Variants in OR7E24 observed in about 807,000 individuals in gnomAD.
OR7E24 encodes olfactory receptor 7E24.
For missense variants in OR7E24, 385 were observed against 410.3 expected (o/e 0.94, Z 0.53); for synonymous variants, 130 against 157.5 (o/e 0.83, Z 1.31).
the OR7E24 span, among the ~76,000 whole-genome samples, chr19:9,238,449 A>C: frequency 1.3e-5 from 2 of 152,158 alleles, no homozygotes; most frequent in Non-Finnish European, 2.9e-5. Flanking sequence ...GTAATTGTGC[A>C]GTTTGTACTT....
Position 9,251,857 on chromosome 19 carries a change from A to G in OR7E24, c.814A>G (p.Thr272Ala), listed in dbSNP as rs756803730. The change falls in exon 1 of 1, where the codon ACA (threonine) becomes GCA (alanine). Residue 272 changes from threonine (T) to alanine (A), a missense_variant. Coordinates refer to ENST00000456448, the MANE Select transcript of OR7E24 (RefSeq NM_001079935.2). ...HLAVVCLFYG[T>A]GLVGYLSSAV... ...GGCAGTTGTTTGCTTATTTTATGGA[A>G]CAGGGCTTGTAGGGTACCTCAGTTC... 44 of 1,614,038 alleles carry G rather than the reference A, an allele frequency of 2.7e-5. 1 individual carries two copies. In the Admixed American group the frequency reaches 7.3e-4, roughly 27 times the overall value.
chr19:9,226,401 A>C, the OR7E24 span, among the ~76,000 whole-genome samples: 1 of 152,210 alleles, frequency 6.6e-6, no homozygotes, highest in Admixed American at 6.5e-5. Context: ...GGGACCGCAC[A>C]TTCCGTGTTT....
chr19:9,251,853 T>C lies in OR7E24; in HGVS notation c.810T>C (p.Tyr270=). 1 of 1,614,170 alleles carries C rather than the reference T, an allele frequency of 6.2e-7. No homozygotes were observed. Residue 270 remains tyrosine, a synonymous_variant, in exon 1 of 1, where the codon TAT becomes TAC. Coordinates refer to ENST00000456448, the MANE Select transcript of OR7E24 (RefSeq NM_001079935.2). ...ACCTGGCAGTTGTTTGCTTATTTTA[T>C]GGAACAGGGCTTGTAGGGTACCTCA... ...GSHLAVVCLF[Y]GTGLVGYLSS...
At chr19:9,224,460 A>G in the OR7E24 span, among the ~76,000 whole-genome samples, 1 of 152,070 alleles carries the variant, frequency 6.6e-6, no homozygotes, top group East Asian at 1.9e-4. Context: ...TTTTCCCACT[A>G]AGAGATTCCA....
the OR7E24 span, among the ~76,000 whole-genome samples, chr19:9,225,360 A>G: frequency 8.1e-6 from 1 of 123,972 alleles, no homozygotes; most frequent in Non-Finnish European, 1.6e-5. Context: ...ACAAGAGCGA[A>G]ACTCAAGAAG....
chr19:9,223,097 T>C, the OR7E24 span, among the ~76,000 whole-genome samples: 1 of 152,220 alleles, frequency 6.6e-6, no homozygotes, highest in Non-Finnish European at 1.5e-5. Context: ...TTGATGTTTC[T>C]TGTTGTTTAA....
chr19:9,240,034 T>C, the OR7E24 span, among the ~76,000 whole-genome samples: 1 of 152,048 alleles, frequency 6.6e-6, no homozygotes, highest in South Asian at 2.1e-4. Context: ...TAGGTCGTTT[T>C]TTCTTTTTTA....
chr19:9,214,556 G>A, the OR7E24 span: 1 of 1,614,170 alleles, frequency 6.2e-7, no homozygotes, highest in Non-Finnish European at 8.5e-7. Context: ...GGCACCCCAT[G>A]TAGGAGATGT....
chr19:9,231,908 T>C, the OR7E24 span, among the ~76,000 whole-genome samples: 1 of 152,176 alleles, frequency 6.6e-6, no homozygotes, highest in Non-Finnish European at 1.5e-5. Context: ...GTGTTATGGA[T>C]GTCAGTTTTG....
chr19:9,235,365 C>T, the OR7E24 span: 6 of 1,463,400 alleles, frequency 4.1e-6, no homozygotes, highest in South Asian at 4.6e-5. Context: ...CCTGTTTCAT[C>T]TGCACCACAG....
the OR7E24 span, among the ~76,000 whole-genome samples, chr19:9,220,158 G>A: frequency 4.0e-5 from 6 of 151,812 alleles, no homozygotes; most frequent in Admixed American, 2.6e-4. Flanking sequence ...ATTAACATAC[G>A]CATTATCTCA....
chr19:9,232,074 T>A, the OR7E24 span, among the ~76,000 whole-genome samples: 2 of 152,190 alleles, frequency 1.3e-5, no homozygotes, highest in African/African-American at 4.8e-5. Context: ...AATCATTTCT[T>A]TTTTAACAAA....
chr19:9,217,206 C>T, the OR7E24 span, among the ~76,000 whole-genome samples: 1 of 152,170 alleles, frequency 6.6e-6, no homozygotes, highest in Non-Finnish European at 1.5e-5. Flanking sequence ...AGAATGTGTG[C>T]TTGTGTACAC....
chr19:9,209,634 G>A, the OR7E24 span: 1 of 150,006 alleles, frequency 6.7e-6, no homozygotes, highest in African/African-American at 2.5e-5. Context: ...CTGTGACCTT[G>A]AGTATAAAAC....
the OR7E24 span, chr19:9,213,847 A>G: frequency 7.8e-7 from 1 of 1,284,032 alleles, no homozygotes; most frequent in African/African-American, 1.5e-5. Flanking sequence ...AACCCACAAC[A>G]TTTGCCTTAG....
chr19:9,224,139 T>C, the OR7E24 span, among the ~76,000 whole-genome samples: 1 of 151,848 alleles, frequency 6.6e-6, no homozygotes, highest in Admixed American at 6.6e-5. Context: ...TGTGAGCCAC[T>C]GCACCCAGCC....
At chr19:9,211,609 C>G in the OR7E24 span, 1 of 152,030 alleles carries the variant, frequency 6.6e-6, no homozygotes, top group African/African-American at 2.4e-5. Flanking sequence ...CTTTGGGAGG[C>G]CGAGGCGGGT....
upstream of OR7E24, among the ~76,000 whole-genome samples, chr19:9,245,716 G>A: frequency 6.6e-6 from 1 of 152,194 alleles, no homozygotes; most frequent in East Asian, 1.9e-4. Flanking sequence ...TTCATCCAGC[G>A]CTGTTTCGGA....
chr19:9,243,949 G>T (rs2066122794), upstream of OR7E24, among the ~76,000 whole-genome samples: 1 of 152,158 alleles, frequency 6.6e-6, no homozygotes, highest in Non-Finnish European at 1.5e-5. Flanking sequence ...TTCAGCCCCA[G>T]TCCCTGTGCA....
Sources: allele counts gnomAD v4.1 joint callset (sites outside exome capture counted in the v4.1 genomes callset), GRCh38; gene constraint gnomAD v4.1.1; transcripts MANE v1.5; gene names NCBI Gene and HGNC (gene_info 2026-07-23, HGNC 2026-07-21).